PLEKHH2: variants seen among roughly 807,000 people sequenced by gnomAD.
PLEKHH2 encodes pleckstrin homology domain-containing family H member 2.
PLEKHH2 carries 129 observed loss-of-function variants against 187.9 expected under a neutral mutation model. The observed-to-expected ratio is 0.69, with a 90% CI of 0.59 to 0.79. PLEKHH2 has a LOEUF of 0.79. Ranked by LOEUF, PLEKHH2 falls within the 30% of genes least tolerant of loss-of-function variation. The pLI is 0.00. For synonymous variants in PLEKHH2, 686 were observed against 605.6 expected, an observed-to-expected ratio of 1.13 and a Z score of -1.95; for missense variants, 2,076 against 1,751.2, an observed-to-expected ratio of 1.19 and a Z score of -3.31.
At chr2:43,637,648 G>A (rs941022077) in intron 1 of PLEKHH2, among the ~76,000 whole-genome samples, 3 of 152,126 alleles carry the variant, frequency 2.0e-5, no homozygotes, top group African/African-American at 4.8e-5. Flanking sequence ...CGCGCCCGTG[G>A]GCTCCCGTGA....
At chr2:43,704,119 T>A in intron 9 of PLEKHH2, 63 bp downstream of exon 9, 1 of 1,131,842 alleles carries the variant, frequency 8.8e-7, no homozygotes, top group Non-Finnish European at 1.3e-6. Context: ...AGGGATAGTA[T>A]AATACAAATA....
At chr2:43,678,728 A>C in intron 2 of PLEKHH2, 135 bp from the exon 3 acceptor site, 2 of 403,732 alleles carry the variant, frequency 5.0e-6, no homozygotes, top group Non-Finnish European at 4.8e-6. Flanking sequence ...GACCGTGGGT[A>C]GAGGTGGAAG....
At chr2:43,722,854 A>C (rs1184844886) in intron 16 of PLEKHH2, among the ~76,000 whole-genome samples, 1 of 152,252 alleles carries the variant, frequency 6.6e-6, no homozygotes, top group African/African-American at 2.4e-5. Flanking sequence ...ACAAGTCAGA[A>C]GAATGGATAC....
At chr2:43,703,090 G>A (rs1027373509) in intron 8 of PLEKHH2, among the ~76,000 whole-genome samples, 19 of 152,160 alleles carry the variant, frequency 1.2e-4, no homozygotes, top group Non-Finnish European at 1.5e-5. Flanking sequence ...CTATTCAATC[G>A]AAAATGTCCC....
Position 43,759,037 on chromosome 2 carries a change from A to G in PLEKHH2, c.4071+8A>G. The G allele has an allele frequency of 6.2e-7, 1 of 1,610,806 alleles. No homozygotes were observed. The highest frequency in any genetic ancestry group is 1.1e-5 in the South Asian group (1 of 90,722). On this transcript the variant is annotated splice_region_variant and intron_variant, in intron 27 of 29. Coordinates refer to ENST00000282406, the MANE Select transcript of PLEKHH2 (RefSeq NM_172069.4). ...AAGTTGTTTCTTGCAAAAGTAAGAA[A>G]GAATGGGAGAGAGATGCATAATGAA...
intron 1 of PLEKHH2, among the ~76,000 whole-genome samples, chr2:43,643,510 C>G (rs573527353): frequency 1.3e-5 from 2 of 152,110 alleles, no homozygotes; most frequent in South Asian, 4.1e-4. Flanking sequence ...TTTTTAGCAG[C>G]ATAAAGTTTT....
intron 18 of PLEKHH2, 123 bp from the exon 19 acceptor site, chr2:43,731,366 TG>T (rs1572633737): frequency 3.1e-6 from 2 of 639,436 alleles, no homozygotes; most frequent in Non-Finnish European, 5.4e-6. Flanking sequence ...AGTTTTTTTC[TG>T]ACCTTTGTGA....
At chr2:43,647,668 G>C (rs1026046768) in intron 2 of PLEKHH2, among the ~76,000 whole-genome samples, 1 of 152,122 alleles carries the variant, frequency 6.6e-6, no homozygotes, top group Non-Finnish European at 1.5e-5. Context: ...TTGCATTCCA[G>C]AGACTGGTCT....
chr2:43,730,837 C>A (rs1366484430), intron 18 of PLEKHH2, among the ~76,000 whole-genome samples: 5 of 152,202 alleles, frequency 3.3e-5, no homozygotes, highest in South Asian at 2.1e-4. Context: ...GGAATGCCTT[C>A]AAGTTCCTCT....
At chr2:43,676,343 G>A in intron 2 of PLEKHH2, 3 of 1,566,394 alleles carry the variant, frequency 1.9e-6, no homozygotes, top group South Asian at 2.4e-5. Flanking sequence ...TTAGGACAGT[G>A]TGCCAGGGTC....
At chr2:43,650,576 A>G (rs565183910) in intron 2 of PLEKHH2, among the ~76,000 whole-genome samples, 1 of 152,168 alleles carries the variant, frequency 6.6e-6, no homozygotes, top group East Asian at 1.9e-4. Flanking sequence ...GTTATTGTCC[A>G]GCTTGAATGA....
At chr2:43,762,598 G>A (rs1267868580) in intron 28 of PLEKHH2, among the ~76,000 whole-genome samples, 1 of 152,166 alleles carries the variant, frequency 6.6e-6, no homozygotes, top group Non-Finnish European at 1.5e-5. Context: ...CGTTTATTGT[G>A]TATGAGAAAA....
At chr2:43,644,649 T>A (rs1666101214) in intron 1 of PLEKHH2, 22 bp from the exon 2 acceptor site, 2 of 1,483,366 alleles carry the variant, frequency 1.3e-6, no homozygotes, top group Admixed American at 2.4e-5. Context: ...TAATTTTTTG[T>A]TTATTTATTT....
At chr2:43,742,007 AT>A (rs942141259) in intron 21 of PLEKHH2, among the ~76,000 whole-genome samples, 39 of 148,272 alleles carry the variant, frequency 2.6e-4, no homozygotes, top group East Asian at 7.8e-4. Context: ...TTGTTTGAAG[AT>A]TTTTTTTTTT....
chr2:43,676,433 T>A lies in PLEKHH2; in HGVS notation c.124-2430T>A, dbSNP rs182849606. 1.1e-3 allele frequency: 817 copies of A among 758,014 alleles called. 3 individuals carry two copies. The African/African-American group carries it at 0.013, about 12-fold the overall frequency. The allele number at this position is 758,014 out of a possible 1,614,324, so 47.0% of individuals were successfully genotyped here. A position where few individuals can be genotyped will look rare whatever the true frequency, so the allele number is the denominator to read the frequency against. ...GCGCTCCCGGTTGGGCCACTCTAGC[T>A]GCGGGAGGTCGCTTCTCGGTGGCGT... is the stretch of plus-strand genomic sequence containing the variant. On this transcript the variant is annotated intron_variant, in intron 2 of 29. Coordinates refer to ENST00000282406, the MANE Select transcript of PLEKHH2 (RefSeq NM_172069.4).
intron 24 of PLEKHH2, among the ~76,000 whole-genome samples, chr2:43,752,137 C>G (rs1036120596): frequency 6.6e-6 from 1 of 152,128 alleles, no homozygotes; most frequent in African/African-American, 2.4e-5. Flanking sequence ...TACTTCCTAA[C>G]TTCAAGTAGG....
chr2:43,645,765 A>T (rs1202903581), intron 2 of PLEKHH2, among the ~76,000 whole-genome samples: 1 of 152,110 alleles, frequency 6.6e-6, no homozygotes, highest in East Asian at 1.9e-4. Context: ...CCTGTGGCTC[A>T]TATTATATTT....
chr2:43,676,999 A>G (rs6725202), intron 2 of PLEKHH2, among the ~76,000 whole-genome samples: 107,714 of 152,040 alleles, frequency 0.71, 39,178 homozygotes, highest in African/African-American at 0.81. Context: ...ATGTTAATCC[A>G]TAATTTTTAA....
intron 2 of PLEKHH2, among the ~76,000 whole-genome samples, chr2:43,666,441 G>A (rs905815293): frequency 1.5e-4 from 22 of 147,240 alleles, no homozygotes; most frequent in Middle Eastern, 6.8e-3. Flanking sequence ...CTTCTGCGTC[G>A]CTCACGCTGG....
Sources: allele counts gnomAD v4.1 joint callset (sites outside exome capture counted in the v4.1 genomes callset), GRCh38; gene constraint gnomAD v4.1.1; transcripts MANE v1.5; gene names NCBI Gene and HGNC (gene_info 2026-07-23, HGNC 2026-07-21).